DLG2: variants seen among roughly 807,000 people sequenced by gnomAD.
DLG2 encodes the protein disks large homolog 2.
Under a neutral mutation model 132.5 loss-of-function variants are expected in DLG2, and 45 were observed. That is an observed-to-expected ratio of 0.34 (90% CI 0.27 to 0.44). The LOEUF (loss-of-function observed/expected upper bound fraction) is 0.44. Ranked by LOEUF, DLG2 falls within the 20% of genes least tolerant of loss-of-function variation. The pLI, the probability that DLG2 is intolerant of heterozygous loss-of-function variation, is 1.00. For missense variants in DLG2, 1,045 were observed against 1,196.9 expected, an observed-to-expected ratio of 0.87 and a Z score of 1.87; for synonymous variants, 424 against 419.6, an observed-to-expected ratio of 1.01 and a Z score of -0.13.
At chr11:84,864,801 G>A (rs1318513703) in intron 6 of DLG2, among the ~76,000 whole-genome samples, 2 of 152,102 alleles carry the variant, frequency 1.3e-5, no homozygotes, top group Non-Finnish European at 2.9e-5. Flanking sequence ...GCTTTACGGA[G>A]GAAGAGACAA....
chr11:83,679,332 T>A (rs905186700), intron 18 of DLG2, among the ~76,000 whole-genome samples: 1 of 152,184 alleles, frequency 6.6e-6, no homozygotes, highest in Non-Finnish European at 1.5e-5. Context: ...TCAGGTATTT[T>A]AATACAATGT....
At chr11:84,393,401 T>C (rs1447183492) in intron 7 of DLG2, among the ~76,000 whole-genome samples, 1 of 151,972 alleles carries the variant, frequency 6.6e-6, no homozygotes, top group Non-Finnish European at 1.5e-5. Context: ...TCTGTCTGTC[T>C]ACAGCTAAGC....
At chr11:83,889,703 C>T (rs1341494407) in intron 15 of DLG2, among the ~76,000 whole-genome samples, 2 of 151,904 alleles carry the variant, frequency 1.3e-5, no homozygotes, top group African/African-American at 2.4e-5. Flanking sequence ...AGACTTGGAA[C>T]CAACCCAAAT....
intron 3 of DLG2, among the ~76,000 whole-genome samples, chr11:85,355,580 T>C (rs909048895): frequency 6.6e-5 from 10 of 152,128 alleles, no homozygotes; most frequent in African/African-American, 2.4e-5. Context: ...AGAAGCCTAG[T>C]TGAGATTTAT....
intron 3 of DLG2, among the ~76,000 whole-genome samples, chr11:85,351,937 G>A (rs1596453130): frequency 6.6e-6 from 1 of 152,184 alleles, no homozygotes; most frequent in East Asian, 1.9e-4. Context: ...ATGAGTTAGG[G>A]AGGATTCTCT....
chr11:83,771,895 T>C (rs1409087027), intron 18 of DLG2, among the ~76,000 whole-genome samples: 1 of 152,224 alleles, frequency 6.6e-6, no homozygotes, highest in Non-Finnish European at 1.5e-5. Flanking sequence ...GATATGAAAC[T>C]GGTTAATTTT....
chr11:83,699,098 C>T (rs2082414095), intron 18 of DLG2, among the ~76,000 whole-genome samples: 1 of 152,156 alleles, frequency 6.6e-6, no homozygotes, highest in African/African-American at 2.4e-5. Flanking sequence ...CAAATAACTG[C>T]TTCCAAATAT....
chr11:85,385,810 C>T (rs1239262530), intron 3 of DLG2, among the ~76,000 whole-genome samples: 1 of 152,086 alleles, frequency 6.6e-6, no homozygotes, highest in Non-Finnish European at 1.5e-5. Context: ...GGGGAGAGAA[C>T]TGAACTTTTC....
intron 6 of DLG2, among the ~76,000 whole-genome samples, chr11:84,814,848 G>A (rs991445796): frequency 6.6e-6 from 1 of 152,016 alleles, no homozygotes; most frequent in African/African-American, 2.4e-5. Flanking sequence ...ATGGAAAGAG[G>A]TTATTTGCTC....
At chr11:83,722,185 CA>C (rs1043612311) in intron 18 of DLG2, among the ~76,000 whole-genome samples, 4 of 151,820 alleles carry the variant, frequency 2.6e-5, no homozygotes, top group East Asian at 1.9e-4. Flanking sequence ...AACGTTTTGA[CA>C]AAAAACTGGA....
intron 4 of DLG2, among the ~76,000 whole-genome samples, chr11:85,266,057 C>G (rs1565237354): frequency 6.6e-6 from 1 of 152,240 alleles, no homozygotes; most frequent in Non-Finnish European, 1.5e-5. Context: ...GGCAGCCACT[C>G]CATGCAACGA....
intron 7 of DLG2, among the ~76,000 whole-genome samples, chr11:84,475,502 A>G (rs1190552817): frequency 6.6e-6 from 1 of 152,080 alleles, no homozygotes; most frequent in Admixed American, 6.6e-5. Flanking sequence ...GTTTTCTGGC[A>G]CTTGTTCAAA....
chr11:85,145,639 A>C (rs757673172), intron 5 of DLG2, among the ~76,000 whole-genome samples: 1 of 152,014 alleles, frequency 6.6e-6, no homozygotes, highest in Non-Finnish European at 1.5e-5. Flanking sequence ...CATTTTGACA[A>C]TAGAAATTTT....
intron 6 of DLG2, among the ~76,000 whole-genome samples, chr11:85,063,802 T>C (rs2064466358): frequency 6.6e-6 from 1 of 151,798 alleles, no homozygotes; most frequent in Non-Finnish European, 1.5e-5. Flanking sequence ...GTAGTACTTG[T>C]GGGATAATTT....
intron 3 of DLG2, among the ~76,000 whole-genome samples, chr11:85,588,296 A>G (rs2079094335): frequency 6.6e-6 from 1 of 152,156 alleles, no homozygotes; most frequent in Non-Finnish European, 1.5e-5. Flanking sequence ...CCAAACTTTT[A>G]GATTTATCTT....
At chr11:85,262,445 T>C (rs1229492503) in intron 4 of DLG2, among the ~76,000 whole-genome samples, 2 of 152,124 alleles carry the variant, frequency 1.3e-5, no homozygotes, top group Admixed American at 6.5e-5. Flanking sequence ...AACAAGTTTA[T>C]TGGAGGTCTG....
intron 11 of DLG2, among the ~76,000 whole-genome samples, chr11:84,054,220 G>C (rs1181626160): frequency 2.6e-5 from 4 of 152,074 alleles, no homozygotes; most frequent in Admixed American, 2.6e-4. Flanking sequence ...TTTGGCCCAG[G>C]CCATAGAAAC....
intron 3 of DLG2, among the ~76,000 whole-genome samples, chr11:85,334,413 T>G (rs1315715618): frequency 6.6e-6 from 1 of 152,142 alleles, no homozygotes; most frequent in African/African-American, 2.4e-5. Flanking sequence ...TTGTATAAAT[T>G]TTCATGTCTC....
intron 9 of DLG2, among the ~76,000 whole-genome samples, chr11:84,159,822 A>G (rs2095507068): frequency 6.6e-6 from 1 of 152,178 alleles, no homozygotes; most frequent in Non-Finnish European, 1.5e-5. Flanking sequence ...AGCAGGTGGT[A>G]AGATCTGACT....
Sources: gnomAD v4.1 joint callset for allele counts (sites outside exome capture counted in the v4.1 genomes callset) on GRCh38, gnomAD v4.1.1 for gene constraint, MANE v1.5 for transcripts, NCBI Gene and HGNC (gene_info 2026-07-23, HGNC 2026-07-21) for gene names.